Variants in TENM2 observed in about 807,000 individuals in gnomAD.
TENM2 encodes the protein teneurin transmembrane protein 2.
Under a neutral mutation model 245.2 loss-of-function variants are expected in TENM2, and 52 were observed. The ratio of observed to expected loss-of-function variants is 0.21; its 90% CI spans 0.17 to 0.27. TENM2 has a LOEUF of 0.27. TENM2 is among the 10% of genes least tolerant of loss of function. TENM2 has a pLI of 1.00. For synonymous variants in TENM2, 1,363 were observed against 1,438.9 expected (o/e 0.95, Z 1.19); for missense variants, 3,046 against 3,666.8 (o/e 0.83, Z 4.37).
At chr5:167,074,078 C>T in the TENM2 span, among the ~76,000 whole-genome samples, 13 of 152,244 alleles carry the variant, frequency 8.5e-5, no homozygotes, top group African/African-American at 3.1e-4. Flanking sequence ...GGTGGAACAA[C>T]TAAAGGGTTC....
the TENM2 span, among the ~76,000 whole-genome samples, chr5:167,223,081 G>C: frequency 5.3e-3 from 811 of 152,132 alleles, 11 homozygotes; most frequent in African/African-American, 0.018. Flanking sequence ...TTCATGGGGT[G>C]CTTGTGAAAT....
intron 25 of TENM2, chr5:168,241,262 CTT>C (rs11361504): frequency 5.4e-5 from 8 of 147,044 alleles, no homozygotes; most frequent in Non-Finnish European, 3.0e-5. Context: ...TCTTTTTGTT[CTT>C]TTTTTTTTTG....
chr5:167,554,020 C>T (rs1423989276), intron 2 of TENM2, among the ~76,000 whole-genome samples: 2 of 152,174 alleles, frequency 1.3e-5, no homozygotes, highest in Non-Finnish European at 2.9e-5. Flanking sequence ...AGGAGTTTCT[C>T]AAACAGGGCT....
At chr5:167,353,616 T>C (rs905492187) in intron 1 of TENM2, among the ~76,000 whole-genome samples, 1 of 145,122 alleles carries the variant, frequency 6.9e-6, no homozygotes, top group Admixed American at 7.0e-5. Context: ...CACGCCATTC[T>C]CCTGCCTCAG....
intron 1 of TENM2, among the ~76,000 whole-genome samples, chr5:167,309,376 A>G (rs148103538): frequency 1.2e-4 from 18 of 152,342 alleles, no homozygotes; most frequent in African/African-American, 4.1e-4. Context: ...AGATAAACTT[A>G]TTGTACATTG....
intron 2 of TENM2, among the ~76,000 whole-genome samples, chr5:167,640,848 T>TATATATATATCC (rs1779516462): frequency 1.1e-5 from 1 of 94,718 alleles, no homozygotes; most frequent in African/African-American, 4.4e-5. Context: ...TATCCATATA[T>TATATATATATCC]ATATATATAT....
intron 3 of TENM2, among the ~76,000 whole-genome samples, chr5:167,928,770 C>T (rs1244573291): frequency 1.3e-5 from 2 of 150,796 alleles, no homozygotes; most frequent in African/African-American, 4.9e-5. Flanking sequence ...GTGGTGCGTG[C>T]CTGTAGTCCC....
rs189058300 is a variant in TENM2, at chr5:167,956,758, A to T, written c.947+3936A>T. Among the ~76,000 whole-genome samples the T allele has an allele frequency of 9.5e-3, 1,450 of 152,244 alleles. 25 individuals are homozygous for T. The highest frequency in any genetic ancestry group is 0.033 in the African/African-American group (1,373 of 41,518). ...GTGGTTTTTGTCATTGGTTCTGTTT[A>T]TGTGATTAATTACATTTATTGATTT... is the stretch of plus-strand genomic sequence containing the variant. On this transcript the variant is annotated intron_variant, in intron 4 of 28. Transcript: ENST00000518659.
At chr5:167,089,889 G>C in the TENM2 span, among the ~76,000 whole-genome samples, 109 of 152,232 alleles carry the variant, frequency 7.2e-4, 1 homozygote, top group African/African-American at 2.2e-3. Flanking sequence ...AGCGAGGAAG[G>C]GGGTATCAGT....
At chr5:168,012,627 G>A (rs545007440) in intron 5 of TENM2, among the ~76,000 whole-genome samples, 1 of 136,856 alleles carries the variant, frequency 7.3e-6, no homozygotes, top group Non-Finnish European at 1.5e-5. Context: ...CAGCCTGGGT[G>A]ACAGAACAAG....
intron 2 of TENM2, among the ~76,000 whole-genome samples, chr5:167,613,827 G>A (rs1561602380): frequency 6.6e-6 from 1 of 152,118 alleles, no homozygotes; most frequent in Non-Finnish European, 1.5e-5. Flanking sequence ...TAAATAACCT[G>A]CTAAGTATGT....
intron 1 of TENM2, among the ~76,000 whole-genome samples, chr5:167,345,907 AAAC>A (rs1561879544): frequency 6.6e-6 from 1 of 152,048 alleles, no homozygotes; most frequent in Non-Finnish European, 1.5e-5. Context: ...AAAAAAAAAA[AAAC>A]AAGTAATCAG....
chr5:167,738,903 C>T (rs1403554803), intron 2 of TENM2, among the ~76,000 whole-genome samples: 1 of 152,200 alleles, frequency 6.6e-6, no homozygotes, highest in African/African-American at 2.4e-5. Context: ...TTTAAATGCC[C>T]TATCTCCACA....
chr5:168,256,874 T>A (rs1227612594), intron 27 of TENM2, among the ~76,000 whole-genome samples: 1 of 152,294 alleles, frequency 6.6e-6, no homozygotes, highest in Non-Finnish European at 1.5e-5. Flanking sequence ...TTGGCAGCAA[T>A]GTCAACGTTA....
At chr5:167,800,777 C>T (rs1254233781) in intron 2 of TENM2, among the ~76,000 whole-genome samples, 1 of 152,082 alleles carries the variant, frequency 6.6e-6, no homozygotes, top group Admixed American at 6.6e-5. Flanking sequence ...CTATTTGAAT[C>T]TCCAGTTTCT....
intron 2 of TENM2, among the ~76,000 whole-genome samples, chr5:167,858,557 G>A (rs923808420): frequency 4.6e-5 from 7 of 152,054 alleles, no homozygotes; most frequent in African/African-American, 1.4e-4. Context: ...GCTCGAAGGC[G>A]CCGCGGGCTG....
chr5:168,163,488 C>T (rs925415671), intron 13 of TENM2, among the ~76,000 whole-genome samples: 6 of 152,138 alleles, frequency 3.9e-5, no homozygotes, highest in African/African-American at 1.2e-4. Flanking sequence ...TAAAAAGTTG[C>T]GTATATGGCC....
intron 2 of TENM2, chr5:167,728,949 C>T (rs149959327): frequency 1.1e-4 from 16 of 152,356 alleles, no homozygotes; most frequent in East Asian, 5.8e-4. Context: ...CAAGCTCCTA[C>T]GAAGGCAAAC....
intron 4 of TENM2, among the ~76,000 whole-genome samples, chr5:167,960,323 C>G (rs1220560455): frequency 6.6e-6 from 1 of 152,178 alleles, no homozygotes; most frequent in Non-Finnish European, 1.5e-5. Context: ...GTGCTCTGTC[C>G]CAGGGAGACG....
Sources: allele counts gnomAD v4.1 joint callset (sites outside exome capture counted in the v4.1 genomes callset), GRCh38; gene constraint gnomAD v4.1.1; transcripts MANE v1.5; gene names NCBI Gene and HGNC (gene_info 2026-07-23, HGNC 2026-07-21).